The following GCNT2 variants were observed in gnomAD, a reference collection of about 807,000 sequenced individuals.
GCNT2 encodes glucosaminyl (N-acetyl) transferase 2 (I blood group), also known as N-acetyllactosaminide beta-1,6-N-acetylglucosaminyl-transferase.
In GCNT2, 34 loss-of-function variants were observed where a neutral mutation model predicts 34.2. The observed-to-expected ratio is 1.00, with a 90% CI of 0.76 to 1.32. The LOEUF (loss-of-function observed/expected upper bound fraction) is 1.32, where lower values mean the gene tolerates loss of function less well. GCNT2 is among the 40% of genes most tolerant of loss of function. The pLI is 0.00. For synonymous variants in GCNT2, 212 were observed against 188.0 expected, an observed-to-expected ratio of 1.13 and a Z score of -1.04; for missense variants, 584 against 489.4, an observed-to-expected ratio of 1.19 and a Z score of -1.82.
chr6:10,556,009 T>G (rs905714898), intron 3 of GCNT2: 3 of 1,117,264 alleles, frequency 2.7e-6, no homozygotes, highest in Admixed American at 9.7e-5. Flanking sequence ...TGGCTTTCAC[T>G]GCGCTCATTC....
intron 3 of GCNT2, among the ~76,000 whole-genome samples, chr6:10,605,095 A>C (rs1294429804): frequency 6.6e-6 from 1 of 151,848 alleles, no homozygotes; most frequent in Admixed American, 6.6e-5. Flanking sequence ...GCAGTGATCC[A>C]TGATTGCGCC....
chr6:10,580,061 C>A (rs594329), intron 3 of GCNT2, among the ~76,000 whole-genome samples: 6 of 151,974 alleles, frequency 3.9e-5, no homozygotes, highest in African/African-American at 1.5e-4. Context: ...TAAGATTTAA[C>A]AGGCTAAGCC....
chr6:10,563,756 G>GAA (rs55761102), intron 3 of GCNT2, among the ~76,000 whole-genome samples: 3 of 55,812 alleles, frequency 5.4e-5, no homozygotes, highest in African/African-American at 1.6e-4. Flanking sequence ...AAAGAAAAAA[G>GAA]AAAAAAAAAA....
intron 3 of GCNT2, among the ~76,000 whole-genome samples, chr6:10,532,660 G>A (rs1761550931): frequency 6.6e-6 from 1 of 152,224 alleles, no homozygotes; most frequent in Middle Eastern, 3.4e-3. Context: ...GTAGAGACGA[G>A]GTCCTGCTGT....
At chr6:10,545,800 C>G (rs988302849) in intron 3 of GCNT2, among the ~76,000 whole-genome samples, 16 of 151,994 alleles carry the variant, frequency 1.1e-4, no homozygotes, top group African/African-American at 3.9e-4. Flanking sequence ...TTTTCAGCTC[C>G]CAGGCAATAC....
intron 3 of GCNT2, among the ~76,000 whole-genome samples, chr6:10,566,551 C>T (rs960438550): frequency 9.2e-5 from 14 of 152,216 alleles, no homozygotes; most frequent in African/African-American, 3.1e-4. Flanking sequence ...GCCTTGGCCT[C>T]CCAAAGCGTT....
At chr6:10,587,094 T>C (rs1481544598) in intron 3 of GCNT2, among the ~76,000 whole-genome samples, 1 of 152,268 alleles carries the variant, frequency 6.6e-6, no homozygotes, top group Non-Finnish European at 1.5e-5. Flanking sequence ...TGTGATATAG[T>C]GATCTAAGAA....
chr6:10,552,341 A>G (rs10456273), intron 3 of GCNT2, among the ~76,000 whole-genome samples: 1,802 of 151,792 alleles, frequency 0.012, 25 homozygotes, highest in Non-Finnish European at 0.015. Context: ...GGCCACCCAG[A>G]GCAGAATTAC....
chr6:10,601,726 G>T (rs1765092003), intron 3 of GCNT2, among the ~76,000 whole-genome samples: 1 of 152,082 alleles, frequency 6.6e-6, no homozygotes, highest in Non-Finnish European at 1.5e-5. Flanking sequence ...TGGATCACAA[G>T]GTCAGGAATT....
At chr6:10,567,523 A>C (rs1387184364) in intron 3 of GCNT2, among the ~76,000 whole-genome samples, 2 of 152,206 alleles carry the variant, frequency 1.3e-5, no homozygotes, top group African/African-American at 4.8e-5. Context: ...CCTAAGGGAT[A>C]TCTCTAGAGG....
At chr6:10,579,283 C>G (rs1763961220) in intron 3 of GCNT2, among the ~76,000 whole-genome samples, 1 of 152,024 alleles carries the variant, frequency 6.6e-6, no homozygotes, top group Admixed American at 6.6e-5. Flanking sequence ...AACAATGACT[C>G]AATGAAAAAA....
chr6:10,607,496 G>A (rs1340227375), intron 3 of GCNT2, among the ~76,000 whole-genome samples: 2 of 152,090 alleles, frequency 1.3e-5, no homozygotes, highest in African/African-American at 4.8e-5. Flanking sequence ...CTCCCACCCA[G>A]ACCCCAGCTC....
chr6:10,617,356 G>A (rs1042287331), intron 3 of GCNT2, among the ~76,000 whole-genome samples: 3 of 152,098 alleles, frequency 2.0e-5, no homozygotes, highest in South Asian at 2.1e-4. Context: ...CACGCTGGCC[G>A]GCAAGCGCTG....
chr6:10,560,499 TC>T (rs1043257924), intron 3 of GCNT2, among the ~76,000 whole-genome samples: 3 of 152,194 alleles, frequency 2.0e-5, no homozygotes, highest in African/African-American at 7.2e-5. Flanking sequence ...GTTCATTTCT[TC>T]CCTCAAAGCG....
intron 3 of GCNT2, among the ~76,000 whole-genome samples, chr6:10,582,137 A>G (rs1257906846): frequency 7.2e-6 from 1 of 139,220 alleles, no homozygotes; most frequent in Non-Finnish European, 1.5e-5. Context: ...AAATGCATAT[A>G]TGATATATTC....
chr6:10,542,670 C>T (rs891504794), intron 3 of GCNT2, among the ~76,000 whole-genome samples: 5 of 152,134 alleles, frequency 3.3e-5, no homozygotes, highest in South Asian at 2.1e-4. Flanking sequence ...CGTGTTATCG[C>T]GTGAATCAGT....
chr6:10,556,600 G>C (rs541920509), intron 3 of GCNT2: 12 of 1,614,074 alleles, frequency 7.4e-6, no homozygotes, highest in Non-Finnish European at 9.3e-6. Flanking sequence ...CACGTTTCCT[G>C]TGGAAAAACA....
chr6:10,586,479 A>G, intron 3 of GCNT2: 1 of 1,614,202 alleles, frequency 6.2e-7, no homozygotes, highest in Non-Finnish European at 8.5e-7. Context: ...TTATGCAGGC[A>G]TTTCCAGACT....
rs182857743 is a variant in GCNT2 at position 10,628,040 on chromosome 6, G to A, written c.*1433G>A. On this transcript the variant is annotated 3_prime_UTR_variant, in exon 5 of 5. Coordinates refer to ENST00000495262, the MANE Select transcript of GCNT2 (RefSeq NM_145649.5). ...GAGGCTTAGAAAGGTTAATAGCACCGGGGAACAATTTCTCTGGGTGAGAAT... is the reference window on the plus strand; with the variant it reads ...GAGGCTTAGAAAGGTTAATAGCACCAGGGAACAATTTCTCTGGGTGAGAAT... 2.7e-4 allele frequency: 41 copies of A among 152,666 alleles called. No homozygotes were observed. Among genetic ancestry groups the A allele is most frequent in the African/African-American group, 6.0e-4 (25 of 41,556 alleles). The allele number at this position is 152,666 out of a possible 1,614,324, so 9.5% of individuals were successfully genotyped here.
Sources: allele counts gnomAD v4.1 joint callset (sites outside exome capture counted in the v4.1 genomes callset), GRCh38; gene constraint gnomAD v4.1.1; transcripts MANE v1.5; gene names NCBI Gene and HGNC (gene_info 2026-07-23, HGNC 2026-07-21).